Variants in PTPRF observed in about 807,000 individuals in gnomAD.
PTPRF encodes protein tyrosine phosphatase receptor type F.
In PTPRF, 59 loss-of-function variants were observed where a neutral mutation model predicts 201.8. The ratio of observed to expected loss-of-function variants is 0.29; its 90% CI spans 0.24 to 0.36. The LOEUF is 0.36. Ranked by LOEUF, PTPRF falls within the 10% of genes least tolerant of loss-of-function variation. The pLI is 1.00. For synonymous variants in PTPRF, 1,088 were observed against 1,089.7 expected, an observed-to-expected ratio of 1.00 and a Z score of 0.03; for missense variants, 2,132 against 2,690.5, an observed-to-expected ratio of 0.79 and a Z score of 4.59.
At chr1:43,598,237 G>GAGACAGCCCCAAA in intron 12 of PTPRF, 184 bp downstream of exon 12, 2 of 604,096 alleles carry the variant, frequency 3.3e-6, no homozygotes, top group Non-Finnish European at 5.3e-6. Flanking sequence ...CCAGCCTTTG[G>GAGACAGCCCCAAA]GGCTGTCTCC....
Position 43,606,371 on chromosome 1 carries a change from C to T in PTPRF, c.3615C>T (p.Asn1205=). The T allele has an allele frequency of 1.2e-6, 2 of 1,614,210 alleles. No homozygotes were observed. The highest frequency in any genetic ancestry group is 1.7e-6 in the Non-Finnish European group (2 of 1,180,012). ...CCTTTACCTTGGGGGACAAGAAGAA[C>T]TACCGGGGCTTCTACAACCGGCCCC... is the stretch of plus-strand genomic sequence containing the variant. The part of the protein sequence containing the change: ...PETFTLGDKK[N]YRGFYNRPLS... Residue 1205 remains asparagine, a synonymous_variant, in exon 20 of 34, where the codon AAC becomes AAT. Transcript: ENST00000359947.
At chr1:43,524,973 G>T (rs1394014768), upstream of PTPRF, among the ~76,000 whole-genome samples, 1 of 152,226 alleles carries the variant, frequency 6.6e-6, no homozygotes, top group Non-Finnish European at 1.5e-5. Flanking sequence ...ACATCTGTCT[G>T]ACCTGTGGAG....
intron 14 of PTPRF, among the ~76,000 whole-genome samples, chr1:43,602,900 TGGCCTATATGGG>T (rs1654115138): frequency 6.6e-6 from 1 of 152,154 alleles, no homozygotes; most frequent in Non-Finnish European, 1.5e-5. Context: ...ACAGAGTTAG[TGGCCTATATGGG>T]GGCAGCGGAG....
At chr1:43,549,775 A>G (rs1016857245) in intron 3 of PTPRF, among the ~76,000 whole-genome samples, 3 of 151,658 alleles carry the variant, frequency 2.0e-5, no homozygotes, top group African/African-American at 7.3e-5. Flanking sequence ...GGATTGCTTG[A>G]GCCTAGGAGG....
In PTPRF at chr1:43,603,850, T is replaced by A. The variant is rs747292574; in HGVS notation, c.2698T>A (p.Leu900Met). The A allele has an allele frequency of 6.2e-7, 1 of 1,613,842 alleles. No homozygotes were observed. Among genetic ancestry groups the A allele is most frequent in the Non-Finnish European group, 8.5e-7 (1 of 1,179,968 alleles). ...FRLAAKNRAG[L>M]GEEFEKEIRT... is the part of the protein sequence containing the mutation. ...GCTTGCTGCCAAGAACCGGGCTGGC[T>A]TGGGTGAGGAGTTCGAGAAGGAGAT... Residue 900 changes from leucine to methionine, a missense_variant, in exon 16 of 34, where the codon TTG becomes ATG. By Grantham distance (15) the Leu-to-Met change is conservative (BLOSUM62 2). This residue lies in a region of PTPRF where 818 missense variants were observed against 915.3 expected (regional missense o/e 0.89). Transcript: ENST00000359947. The surrounding 1 kb of genome is among the most constrained non-coding windows in gnomAD (Gnocchi z 5.8).
At chr1:43,615,420 TC>T (rs1305586355) in intron 23 of PTPRF, among the ~76,000 whole-genome samples, 1 of 152,114 alleles carries the variant, frequency 6.6e-6, no homozygotes, top group Non-Finnish European at 1.5e-5. Flanking sequence ...GTAGTCCCCT[TC>T]CATCTTCTAC....
chr1:43,545,055 GCTGTGGAGCTAGAGCC>G lies in PTPRF; in HGVS notation c.-17_-2del, dbSNP rs1413755926. On this transcript the variant is annotated 5_prime_UTR_variant, in exon 3 of 34. Transcript: ENST00000359947. ...GGTTGATTGTCCTGGGCTGTGGCTG[GCTGTGGAGCTAGAGCC>G]CTGGATGGCCCCTGAGCCAGCCCCA... 1 of 1,554,796 alleles carries G rather than the reference GCTGTGGAGCTAGAGCC, an allele frequency of 6.4e-7. No individual in the cohort carries two copies. Among genetic ancestry groups the G allele is most frequent in the Non-Finnish European group, 8.7e-7 (1 of 1,147,942 alleles).
intron 6 of PTPRF, chr1:43,575,796 T>C (rs1166722310): frequency 5.4e-6 from 5 of 926,034 alleles, no homozygotes; most frequent in Non-Finnish European, 7.6e-6. Context: ...TTTCTCCATG[T>C]ATTTAAGGCC....
In PTPRF at chr1:43,534,022, G is replaced by A. The variant is rs76954529; in HGVS notation, c.-126+2932G>A. 1.9e-3 allele frequency among the ~76,000 whole-genome samples: 296 copies of A among 152,214 alleles called. 5 individuals carry two copies. The East Asian group carries it at 0.047, about 24-fold the overall frequency. On this transcript the variant is annotated intron_variant, in intron 1 of 33. Coordinates refer to ENST00000359947, the MANE Select transcript of PTPRF (RefSeq NM_002840.5). ...ACATTGCAAGAGTTCATCAAGAGAC[G>A]GGGGAGAGTTCGGAGGTCAGGGTGA...
At chr1:43,618,798 A>G (rs1446155794) in intron 26 of PTPRF, 49 bp downstream of exon 26, 1 of 1,577,300 alleles carries the variant, frequency 6.3e-7, no homozygotes, top group Admixed American at 1.7e-5. Context: ...CTGTAAGGAC[A>G]GTGGCCTGGG....
intron 11 of PTPRF, among the ~76,000 whole-genome samples, chr1:43,592,901 C>A (rs936398557): frequency 6.6e-6 from 1 of 152,192 alleles, no homozygotes; most frequent in African/African-American, 2.4e-5. Context: ...TCTCCGCCCC[C>A]ACTCTGTGCT....
intron 5 of PTPRF, among the ~76,000 whole-genome samples, chr1:43,560,884 C>T (rs1355025180): frequency 1.3e-5 from 2 of 152,188 alleles, no homozygotes; most frequent in Admixed American, 1.3e-4. Context: ...CCCACCTGGC[C>T]TCAGTGTCCA....
rs767692370 is a variant in PTPRF at position 43,619,288 on chromosome 1, C to A, written c.4647C>A (p.Ser1549Arg). 4.3e-6 allele frequency: 7 copies of A among 1,612,908 alleles called. No homozygotes were observed. The highest frequency in any genetic ancestry group is 5.1e-6 in the Non-Finnish European group (6 of 1,179,828). ...LDAGPMVVHC[S>R]AGVGRTGCFI... ...CTCAAGCTGAGCCCGTGTCCTGCAGCGCGGGCGTGGGCCGCACCGGCTGCT... is the reference window on the plus strand; with the variant it reads ...CTCAAGCTGAGCCCGTGTCCTGCAGAGCGGGCGTGGGCCGCACCGGCTGCT... Residue 1549 changes from serine (S) to arginine (R), a missense_variant and splice_region_variant, in exon 28 of 34, where the codon AGC (serine) becomes AGA (arginine). Around this residue, in one of 6 missense-constraint regions of PTPRF, gnomAD observed 519 missense variants for 659.5 expected, o/e 0.79. Transcript: ENST00000359947.
chr1:43,606,594 C>T, intron 20 of PTPRF, 136 bp downstream of exon 20: 1 of 1,102,374 alleles, frequency 9.1e-7, no homozygotes, highest in East Asian at 2.4e-5. Flanking sequence ...GCACTAAAGA[C>T]CCAAGATCTG....
At chr1:43,578,139 G>GAGCT (rs1158439870) in intron 6 of PTPRF, among the ~76,000 whole-genome samples, 1 of 152,248 alleles carries the variant, frequency 6.6e-6, no homozygotes, top group Non-Finnish European at 1.5e-5. Flanking sequence ...GCCCGAGTGA[G>GAGCT]AGCTCCAACC....
At chr1:43,533,776 A>G (rs1245745652) in intron 1 of PTPRF, among the ~76,000 whole-genome samples, 1 of 152,118 alleles carries the variant, frequency 6.6e-6, no homozygotes, top group Non-Finnish European at 1.5e-5. Flanking sequence ...ACCCTCGAGA[A>G]GCTCGTGGTC....
Position 43,589,083 on chromosome 1 carries a change from T to G in PTPRF, c.949+83T>G, listed in dbSNP as rs573424481. 5 of 1,426,550 alleles carry G rather than the reference T, an allele frequency of 3.5e-6. No individual in the cohort carries two copies. In the East Asian group the frequency reaches 7.9e-5, roughly 23 times the overall value. The allele number at this position is 1,426,550 out of a possible 1,614,324, so 88.4% of individuals were successfully genotyped here. On this transcript the variant is annotated intron_variant, in intron 8 of 33. Coordinates refer to ENST00000359947, the MANE Select transcript of PTPRF (RefSeq NM_002840.5). ...GTGGGCGAATGTGAGCTGGCTGCCATGGGCACAGGCATGGCTGAGGGATTC... is the reference window on the plus strand; with the variant it reads ...GTGGGCGAATGTGAGCTGGCTGCCAGGGGCACAGGCATGGCTGAGGGATTC...
intron 6 of PTPRF, chr1:43,576,038 C>T: frequency 9.8e-7 from 1 of 1,018,224 alleles, no homozygotes; most frequent in African/African-American, 1.7e-5. Context: ...CCTCTTCAGC[C>T]TCCTCATCTC....
Position 43,597,984 on chromosome 1 carries a change from G to A in PTPRF, c.2050G>A (p.Val684Met). 2 of 1,545,912 alleles carry A rather than the reference G, an allele frequency of 1.3e-6. No homozygotes were observed. The highest frequency in any genetic ancestry group is 2.4e-5 in the East Asian group (1 of 41,094). ...LEKWTEYRVWVRAHTDVGPGP... is the reference protein window; with the variant it reads ...LEKWTEYRVWMRAHTDVGPGP... ...GAAGTGGACGGAGTACCGGGTGTGGGTGCGGGCACACACAGACGTGGGCCC... is the reference window on the plus strand; with the variant it reads ...GAAGTGGACGGAGTACCGGGTGTGGATGCGGGCACACACAGACGTGGGCCC... Residue 684 changes from valine to methionine, a missense_variant, in exon 12 of 34, where the codon GTG becomes ATG. Around this residue, in one of 6 missense-constraint regions of PTPRF, gnomAD observed 125 missense variants for 211.9 expected, o/e 0.59. Coordinates refer to ENST00000359947, the MANE Select transcript of PTPRF (RefSeq NM_002840.5).
Sources: allele counts gnomAD v4.1 joint callset (sites outside exome capture counted in the v4.1 genomes callset), GRCh38; gene constraint gnomAD v4.1.1; regional missense constraint gnomAD v4.1.1; non-coding constraint Gnocchi (gnomAD v3.1); transcripts MANE v1.5; gene names NCBI Gene and HGNC (gene_info 2026-07-23, HGNC 2026-07-21).